Variants in GAB1 observed in about 807,000 individuals in gnomAD.
The protein encoded by GAB1 is GRB2-associated-binding protein 1.
In GAB1, 19 loss-of-function variants were observed where a neutral mutation model predicts 66.5. The ratio of observed to expected loss-of-function variants is 0.29; its 90% CI spans 0.20 to 0.42. The LOEUF (loss-of-function observed/expected upper bound fraction) is 0.42, where lower values mean the gene tolerates loss of function less well. Among genes scored for constraint, GAB1 ranks in the 10% least tolerant of loss-of-function variants. The pLI is 1.00. For missense variants in GAB1, 732 were observed against 858.5 expected, an observed-to-expected ratio of 0.85 and a Z score of 1.84; for synonymous variants, 294 against 301.4, an observed-to-expected ratio of 0.98 and a Z score of 0.25.
chr4:143,474,406 G>T lies in GAB1; in HGVS notation c.*5217G>T, dbSNP rs1336147445. On this transcript the variant is annotated 3_prime_UTR_variant, in exon 10 of 10. Transcript: ENST00000262994. ...ATAATACCCAAAACCCACTTTATCA[G>T]ATATGGTATTGTGATGGTTAATATT... is the stretch of plus-strand genomic sequence containing the variant. 6.6e-6 allele frequency: 1 copy of T among 152,128 alleles called. No individual in the cohort carries two copies. The allele number at this position is 152,128 out of a possible 1,614,324, so 9.4% of individuals were successfully genotyped here. A position where few individuals can be genotyped will look rare whatever the true frequency, so the allele number is the denominator to read the frequency against.
intron 1 of GAB1, among the ~76,000 whole-genome samples, chr4:143,383,982 A>T (rs1462157459): frequency 1.3e-5 from 2 of 152,174 alleles, no homozygotes; most frequent in African/African-American, 4.8e-5. Context: ...CTGAGGTCAA[A>T]GGATTGCTTG....
intron 1 of GAB1, among the ~76,000 whole-genome samples, chr4:143,384,937 A>G (rs1730830403): frequency 6.6e-6 from 1 of 152,212 alleles, no homozygotes; most frequent in Admixed American, 6.5e-5. Context: ...AATGGGAGCC[A>G]TTAGTTAGTA....
chr4:143,418,132 G>A (rs1216932655), intron 2 of GAB1, among the ~76,000 whole-genome samples: 3 of 152,228 alleles, frequency 2.0e-5, no homozygotes, highest in African/African-American at 4.8e-5. Flanking sequence ...AATCTCACGG[G>A]AACAGCAGTC....
intron 1 of GAB1, among the ~76,000 whole-genome samples, chr4:143,388,002 G>A (rs778966318): frequency 3.9e-5 from 6 of 152,174 alleles, no homozygotes; most frequent in Non-Finnish European, 8.8e-5. Flanking sequence ...GCACATGGTA[G>A]AACATTCATG....
rs925036304 is a variant in GAB1, at chr4:143,472,755, C to G, written c.*3566C>G. On this transcript the variant is annotated 3_prime_UTR_variant, in exon 10 of 10. Transcript: ENST00000262994. ...CCACTGTCAAGTAAGCAATCAGGTC[C>G]GTGACAGGGATTGGACATATGAACA... 2.6e-5 allele frequency: 4 copies of G among 152,058 alleles called. No homozygotes were observed. Among genetic ancestry groups the G allele is most frequent in the Admixed American group, 2.0e-4 (3 of 15,240 alleles). The allele number at this position is 152,058 out of a possible 1,614,324, so 9.4% of individuals were successfully genotyped here. A position where few individuals can be genotyped will look rare whatever the true frequency, so the allele number is the denominator to read the frequency against.
chr4:143,350,096 C>G (rs1729141222), intron 1 of GAB1: 4 of 1,346,920 alleles, frequency 3.0e-6, no homozygotes, highest in Non-Finnish European at 4.1e-6. Flanking sequence ...GGCCCTCCCG[C>G]TGCACCGGCG....
intron 1 of GAB1, among the ~76,000 whole-genome samples, chr4:143,404,889 A>T (rs536242653): frequency 6.3e-4 from 94 of 149,600 alleles, no homozygotes; most frequent in African/African-American, 2.2e-3. Context: ...ATGTTGGCTA[A>T]TGGATCCTGT....
chr4:143,406,255 AT>A (rs202041939), intron 1 of GAB1, among the ~76,000 whole-genome samples: 123 of 149,626 alleles, frequency 8.2e-4, no homozygotes, highest in African/African-American at 2.9e-3. Context: ...ATTTAGCCAC[AT>A]TTTTTTTTTC....
At chr4:143,465,157 A>G (rs1007473911) in intron 8 of GAB1, among the ~76,000 whole-genome samples, 2 of 152,208 alleles carry the variant, frequency 1.3e-5, no homozygotes, top group Non-Finnish European at 2.9e-5. Flanking sequence ...GTTTGAGCAC[A>G]TGTATAATAG....
intron 1 of GAB1, among the ~76,000 whole-genome samples, chr4:143,385,572 T>A (rs1204541040): frequency 1.3e-5 from 2 of 152,216 alleles, no homozygotes; most frequent in Non-Finnish European, 2.9e-5. Context: ...TTGAGAGAGT[T>A]GCCCTCATCT....
At chr4:143,350,110 T>A in intron 1 of GAB1, 2 of 1,191,008 alleles carry the variant, frequency 1.7e-6, no homozygotes, top group Non-Finnish European at 2.4e-6. Flanking sequence ...ACCGGCGTCA[T>A]CCGCCATTTG....
rs1156329903 is a variant in GAB1, at chr4:143,472,875, T to C, written c.*3686T>C. 1 of 152,162 alleles carries C rather than the reference T, an allele frequency of 6.6e-6. No homozygotes were observed. Among genetic ancestry groups the C allele is most frequent in the Non-Finnish European group, 1.5e-5 (1 of 68,018 alleles). 9.4% of individuals were successfully genotyped at this position (152,162 alleles called of 1,614,324 possible). A position where few individuals can be genotyped will look rare whatever the true frequency, so the allele number is the denominator to read the frequency against. On this transcript the variant is annotated 3_prime_UTR_variant, in exon 10 of 10. Transcript: ENST00000262994. ...GATGTTACATGCACATTTATATATA[T>C]ATAATTTTAAAAACTGAACTATGAG...
chr4:143,438,427 C>T lies in GAB1; in HGVS notation c.1022C>T (p.Pro341Leu). Residue 341 changes from proline (P) to leucine (L), a missense_variant, in exon 4 of 10, where the codon CCT (proline) becomes CTT (leucine). Around this residue, in one of 4 missense-constraint regions of GAB1, gnomAD observed 427 missense variants for 420.6 expected, o/e 1.02. Coordinates refer to ENST00000262994, the MANE Select transcript of GAB1 (RefSeq NM_002039.4). Reference sequence around the variant, plus strand: ...AAGCTAGACACTATTCCAGATATTCCTCCACCTCGGCCACCGAAACCACAT... The same window carrying T: ...AAGCTAGACACTATTCCAGATATTCTTCCACCTCGGCCACCGAAACCACAT... ...TSKLDTIPDI[P>L]PPRPPKPHPA... The T allele has an allele frequency of 1.2e-6, 2 of 1,614,036 alleles. No homozygotes were observed. The highest frequency in any genetic ancestry group is 1.1e-5 in the South Asian group (1 of 91,072).
intron 2 of GAB1, among the ~76,000 whole-genome samples, chr4:143,418,500 T>C (rs113132834): frequency 1.3e-5 from 2 of 152,188 alleles, no homozygotes; most frequent in Non-Finnish European, 2.9e-5. Context: ...AGTTTTATTA[T>C]GTGATGGATT....
At chr4:143,423,871 T>TA (rs1560759562) in intron 2 of GAB1, among the ~76,000 whole-genome samples, 16 of 140,694 alleles carry the variant, frequency 1.1e-4, no homozygotes, top group African/African-American at 4.1e-4. Context: ...TATTTTTTTT[T>TA]TAAAAAAAAG....
At chr4:143,380,939 T>C (rs1730634562) in intron 1 of GAB1, among the ~76,000 whole-genome samples, 1 of 152,246 alleles carries the variant, frequency 6.6e-6, no homozygotes, top group South Asian at 2.1e-4. Context: ...GTTGGAATTT[T>C]ACTGACCTAT....
intron 2 of GAB1, among the ~76,000 whole-genome samples, chr4:143,423,792 G>GTGTA (rs1409168050): frequency 1.0e-4 from 7 of 67,764 alleles, no homozygotes; most frequent in Non-Finnish European, 1.1e-4. Context: ...AAAAAAAAGT[G>GTGTA]TATATATATA....
Position 143,349,961 on chromosome 4 carries a change from A to G in GAB1, c.72+12701A>G, listed in dbSNP as rs911178187. 4 of 1,590,038 alleles carry G rather than the reference A, an allele frequency of 2.5e-6. No individual in the cohort carries two copies. In the African/African-American group the frequency reaches 5.3e-5, roughly 21 times the overall value. ...TTCATGTCCTTGACCAAGCGGCCCA[A>G]CTTGGTGACGGGCATCCACTCCTTA... On this transcript the variant is annotated intron_variant, in intron 1 of 9. Coordinates refer to ENST00000262994, the MANE Select transcript of GAB1 (RefSeq NM_002039.4).
At chr4:143,358,275 TA>T (rs1729527932) in intron 1 of GAB1, among the ~76,000 whole-genome samples, 2 of 152,364 alleles carry the variant, frequency 1.3e-5, no homozygotes, top group Non-Finnish European at 1.5e-5. Context: ...GACACAATTT[TA>T]AGTTTCATAG....
Sources: allele counts gnomAD v4.1 joint callset (sites outside exome capture counted in the v4.1 genomes callset), GRCh38; gene constraint gnomAD v4.1.1; regional missense constraint gnomAD v4.1.1; transcripts MANE v1.5; gene names NCBI Gene and HGNC (gene_info 2026-07-23, HGNC 2026-07-21).